Variants in DPP6 observed in about 807,000 individuals in gnomAD.
The protein encoded by DPP6 is dipeptidyl peptidase like 6.
In DPP6, 69 loss-of-function variants were observed where a neutral mutation model predicts 122.6. The observed-to-expected ratio is 0.56, with a 90% CI of 0.46 to 0.69. DPP6 has a LOEUF of 0.69. Ranked by LOEUF, DPP6 falls within the 30% of genes least tolerant of loss-of-function variation. DPP6 has a pLI of 0.00. For missense variants in DPP6, 928 were observed against 1,116.9 expected, an observed-to-expected ratio of 0.83 and a Z score of 2.41; for synonymous variants, 418 against 433.1, an observed-to-expected ratio of 0.97 and a Z score of 0.43.
chr7:154,250,851 G>C (rs1802308277), intron 1 of DPP6, among the ~76,000 whole-genome samples: 1 of 152,164 alleles, frequency 6.6e-6, no homozygotes, highest in Admixed American at 6.5e-5. Context: ...AGGCACATAG[G>C]CTAGTCCATC....
chr7:154,762,124 G>A (rs1220306127), intron 8 of DPP6, among the ~76,000 whole-genome samples: 3 of 152,146 alleles, frequency 2.0e-5, no homozygotes, highest in Admixed American at 6.5e-5. Flanking sequence ...ACCTGGCCCC[G>A]ACTCTAGTAT....
intron 7 of DPP6, among the ~76,000 whole-genome samples, chr7:154,696,987 C>T (rs1840257285): frequency 6.6e-6 from 1 of 151,896 alleles, no homozygotes; most frequent in Non-Finnish European, 1.5e-5. Context: ...TCTACAAAGA[C>T]CCTGACACCT....
chr7:154,362,700 T>G (rs1811831703), intron 1 of DPP6, among the ~76,000 whole-genome samples: 1 of 151,816 alleles, frequency 6.6e-6, no homozygotes, highest in Non-Finnish European at 1.5e-5. Context: ...GCTGAGATTA[T>G]AGGTATGAGC....
intron 17 of DPP6, among the ~76,000 whole-genome samples, chr7:154,854,084 G>A (rs1237892114): frequency 1.3e-5 from 2 of 152,148 alleles, no homozygotes; most frequent in African/African-American, 2.4e-5. Context: ...GCCTACCCAG[G>A]TCATAGACTG....
chr7:154,779,751 T>C (rs1191727197), intron 10 of DPP6, among the ~76,000 whole-genome samples: 2 of 152,170 alleles, frequency 1.3e-5, no homozygotes, highest in Non-Finnish European at 2.9e-5. Flanking sequence ...TTCCTAAGTG[T>C]GGCCAAGGCA....
At chr7:153,869,481 C>T in the DPP6 span, among the ~76,000 whole-genome samples, 1 of 152,044 alleles carries the variant, frequency 6.6e-6, no homozygotes, top group Non-Finnish European at 1.5e-5. Context: ...CAACCCCTGC[C>T]TTTTTTTGTT....
chr7:153,809,987 A>C, the DPP6 span, among the ~76,000 whole-genome samples: 1 of 152,146 alleles, frequency 6.6e-6, no homozygotes, highest in East Asian at 1.9e-4. Flanking sequence ...TGCCTTAAAG[A>C]AGCTACCATT....
chr7:154,334,394 G>T (rs906790631), intron 1 of DPP6, among the ~76,000 whole-genome samples: 2 of 152,318 alleles, frequency 1.3e-5, no homozygotes, highest in East Asian at 1.9e-4. Context: ...CCTCTTATCA[G>T]TTGTGATGCT....
At chr7:154,027,163 T>A (rs1307457372) in intron 1 of DPP6, 9 of 149,176 alleles carry the variant, frequency 6.0e-5, no homozygotes. Flanking sequence ...TTAAAAAATA[T>A]GAATTTAATA....
chr7:153,988,332 A>AGGATGGCC (rs1796949303), intron 1 of DPP6, among the ~76,000 whole-genome samples: 2 of 151,822 alleles, frequency 1.3e-5, no homozygotes, highest in Non-Finnish European at 1.5e-5. Flanking sequence ...GGCAATGGCC[A>AGGATGGCC]GGATGGCCCT....
chr7:154,359,522 G>A (rs1811552022), intron 1 of DPP6, among the ~76,000 whole-genome samples: 1 of 152,042 alleles, frequency 6.6e-6, no homozygotes, highest in East Asian at 1.9e-4. Context: ...TGGCACCATT[G>A]CCTTTCCAGC....
At chr7:154,202,691 C>T (rs2150788762) in intron 1 of DPP6, among the ~76,000 whole-genome samples, 1 of 152,276 alleles carries the variant, frequency 6.6e-6, no homozygotes, top group African/African-American at 2.4e-5. Context: ...AGGCCGGGGC[C>T]ACTGGGCCCT....
chr7:154,306,769 T>C (rs2150989249), intron 1 of DPP6, among the ~76,000 whole-genome samples: 1 of 152,298 alleles, frequency 6.6e-6, no homozygotes, highest in African/African-American at 2.4e-5. Flanking sequence ...ATTCTGTAAA[T>C]ACGGACATTA....
chr7:154,547,973 C>T (rs560793597), intron 4 of DPP6, among the ~76,000 whole-genome samples: 80 of 152,218 alleles, frequency 5.3e-4, no homozygotes, highest in Non-Finnish European at 1.0e-3. Context: ...CTTTGGGAGG[C>T]CGAGGCGGGC....
intron 5 of DPP6, among the ~76,000 whole-genome samples, chr7:154,576,788 T>G (rs1258955793): frequency 6.6e-6 from 1 of 152,136 alleles, no homozygotes; most frequent in Non-Finnish European, 1.5e-5. Flanking sequence ...ACGGAGACCC[T>G]GGTAGGTGTC....
intron 7 of DPP6, among the ~76,000 whole-genome samples, chr7:154,724,873 G>A (rs1422292042): frequency 6.6e-6 from 1 of 152,130 alleles, no homozygotes. Flanking sequence ...AAAAATATGA[G>A]CATACTTAAT....
chr7:154,848,035 G>A (rs1439734691), intron 16 of DPP6, among the ~76,000 whole-genome samples: 1 of 152,196 alleles, frequency 6.6e-6, no homozygotes, highest in Non-Finnish European at 1.5e-5. Context: ...GTTCTCCACT[G>A]TGTATATGTA....
chr7:153,965,566 A>G (rs144512803), intron 1 of DPP6, among the ~76,000 whole-genome samples: 7,145 of 151,964 alleles, frequency 0.047, 289 homozygotes, highest in East Asian at 0.19. Context: ...AGGTTGGAGC[A>G]CAGTGGCGCG....
rs1795491069 is a variant in DPP6 at position 153,963,925 on chromosome 7, G to T, written c.51+76191G>T. 2.0e-5 allele frequency among the ~76,000 whole-genome samples: 3 copies of T among 152,296 alleles called. No individual in the cohort carries two copies. The South Asian group carries it at 6.2e-4, about 32-fold the overall frequency. On this transcript the variant is annotated intron_variant, in intron 1 of 25. Coordinates refer to the DPP6 transcript ENST00000404039. ...TTGGCTGAGCCCTTGCAGCAGAGGT[G>T]ACTGATGAGGACACAGCATCAGGTC...
Sources: gnomAD v4.1 joint callset for allele counts (sites outside exome capture counted in the v4.1 genomes callset) on GRCh38, gnomAD v4.1.1 for gene constraint, MANE v1.5 for transcripts, NCBI Gene and HGNC (gene_info 2026-07-23, HGNC 2026-07-21) for gene names.